The following TBC1D16 variants were observed in gnomAD, a reference collection of about 807,000 sequenced individuals.
TBC1D16 encodes CTD-2529O21.1.
In TBC1D16, 58 loss-of-function variants were observed where a neutral mutation model predicts 74.7. That is an observed-to-expected ratio of 0.78 (90% confidence interval 0.63 to 0.97). The LOEUF is 0.97. Ranked by LOEUF, TBC1D16 falls within the 50% of genes least tolerant of loss-of-function variation. The pLI, the probability that TBC1D16 is intolerant of heterozygous loss-of-function variation, is 0.00. For missense variants in TBC1D16, 1,014 were observed against 1,079.5 expected (o/e 0.94, Z 0.85); for synonymous variants, 493 against 474.7 (o/e 1.04, Z -0.50).
chr17:79,968,186 A>G (rs2033918257), intron 3 of TBC1D16, among the ~76,000 whole-genome samples: 1 of 152,092 alleles, frequency 6.6e-6, no homozygotes, highest in African/African-American at 2.4e-5. Context: ...TAGAGACAGG[A>G]TTTCACCATG....
chr17:80,014,357 A>G (rs2036014143), intron 1 of TBC1D16, among the ~76,000 whole-genome samples: 1 of 150,318 alleles, frequency 6.7e-6, no homozygotes. Context: ...ACTCTGTCTC[A>G]AAAAAAAAGA....
rs1043937542 is a variant in TBC1D16 at position 80,001,554 on chromosome 17, G to A, written c.779+8606C>T. On this transcript the variant is annotated intron_variant, in intron 3 of 11. Transcript: ENST00000310924. The surrounding 1 kb of genome is among the most constrained non-coding windows in gnomAD (Gnocchi z 5.8). Reference sequence around the variant, plus strand: ...CGGCGGGCGCTCTCGGGGTATCCCCGGGCGCCCTGGTTGGCCCACGACCGG... The same window carrying A: ...CGGCGGGCGCTCTCGGGGTATCCCCAGGCGCCCTGGTTGGCCCACGACCGG... Among the ~76,000 whole-genome samples, 16 of 151,380 alleles carry A rather than the reference G, an allele frequency of 1.1e-4. No homozygotes were observed. Among genetic ancestry groups the A allele is most frequent in the African/African-American group, 1.5e-4 (6 of 41,330 alleles).
In TBC1D16 at chr17:80,007,596, G is replaced by A. The variant is rs548739169; in HGVS notation, c.779+2564C>T. Among the ~76,000 whole-genome samples, 80 of 152,310 alleles carry A rather than the reference G, an allele frequency of 5.3e-4. No homozygotes were observed. Among genetic ancestry groups the A allele is most frequent in the African/African-American group, 1.8e-3 (73 of 41,582 alleles). On this transcript the variant is annotated intron_variant, in intron 3 of 11. Transcript: ENST00000310924. The surrounding 1 kb of genome is among the most constrained non-coding windows in gnomAD (Gnocchi z 4.5). ...GGGGCCATGGGGAGGGCCCTCCTCA[G>A]CCCAGGGTTCGGGGGAATAGAGAAG...
intron 3 of TBC1D16, among the ~76,000 whole-genome samples, chr17:79,963,349 C>CT (rs1391489463): frequency 6.6e-6 from 1 of 152,116 alleles, no homozygotes. Flanking sequence ...ACAGTATTGT[C>CT]TTTTTGTGAC....
Position 79,970,701 on chromosome 17 carries a change from C to T in TBC1D16, c.780-17883G>A, listed in dbSNP as rs565750828. On this transcript the variant is annotated intron_variant, in intron 3 of 11. Transcript: ENST00000310924. ...GGGTGGGAGGTGGAGGGGCTGGGCA[C>T]GGCCACTCTAGAGAGGTGGACCTGG... Among the ~76,000 whole-genome samples, 8 of 152,242 alleles carry T rather than the reference C, an allele frequency of 5.3e-5. No homozygotes were observed. The South Asian group carries it at 6.2e-4, about 12-fold the overall frequency.
At chr17:79,970,862 T>C (rs2034065028) in intron 3 of TBC1D16, among the ~76,000 whole-genome samples, 1 of 31,858 alleles carries the variant, frequency 3.1e-5, no homozygotes, top group Non-Finnish European at 5.9e-5. Context: ...AGCGCCACCC[T>C]GGAAACGGAG....
In TBC1D16 at chr17:79,994,984, T is replaced by C. The variant is rs2035213644; in HGVS notation, c.779+15176A>G. The stretch of plus-strand genomic sequence containing the variant: ...AATTTTCACCTTTTTGTTTGTTTTC[T>C]TTTTGTTTTTTGACTTGTAAAAATG... On this transcript the variant is annotated intron_variant, in intron 3 of 11. Transcript: ENST00000310924. This position sits in a 1 kb window ranked among gnomAD's most constrained non-coding sequence, Gnocchi z 4.6. Among the ~76,000 whole-genome samples, 1 of 152,244 alleles carries C rather than the reference T, an allele frequency of 6.6e-6. No homozygotes were observed. The highest frequency in any genetic ancestry group is 6.5e-5 in the Admixed American group (1 of 15,286).
At position 79,981,875 on chromosome 17, in the gene TBC1D16, C is replaced by G. The variant is rs1052769353; in HGVS notation, c.779+28285G>C. Among the ~76,000 whole-genome samples the G allele has an allele frequency of 6.6e-6, 1 of 152,264 alleles. No individual in the cohort carries two copies. The highest frequency in any genetic ancestry group is 2.4e-5 in the African/African-American group (1 of 41,480). On this transcript the variant is annotated intron_variant, in intron 3 of 11. Coordinates refer to ENST00000310924, the MANE Select transcript of TBC1D16 (RefSeq NM_019020.4). This position sits in a 1 kb window ranked among gnomAD's most constrained non-coding sequence, Gnocchi z 6.9. The stretch of plus-strand genomic sequence containing the variant: ...ACTCCTCCAAGGGCGCGCCAGGGAA[C>G]AGCAGGACGCGGCCCTCCGGGGCTT...
chr17:80,016,652 G>T (rs900919350), intron 1 of TBC1D16, among the ~76,000 whole-genome samples: 1 of 152,108 alleles, frequency 6.6e-6, no homozygotes, highest in Non-Finnish European at 1.5e-5. Context: ...AGCAGAACTG[G>T]CTCCCAGCCT....
chr17:80,013,829 G>A (rs2035993503), intron 1 of TBC1D16, among the ~76,000 whole-genome samples: 1 of 152,120 alleles, frequency 6.6e-6, no homozygotes, highest in South Asian at 2.1e-4. Flanking sequence ...ACCTGTGGAT[G>A]CCACCAGCAC....
Position 80,007,160 on chromosome 17 carries a change from T to G in TBC1D16, c.779+3000A>C, listed in dbSNP as rs1456773697. 6.6e-6 allele frequency among the ~76,000 whole-genome samples: 1 copy of G among 152,076 alleles called. No individual in the cohort carries two copies. The highest frequency in any genetic ancestry group is 1.9e-4 in the East Asian group (1 of 5,170). The stretch of plus-strand genomic sequence containing the variant: ...CCCCTGGACCGGGCTGACACAGGCC[T>G]GAGGTGCGAGCCACACCGAGCCCGC... On this transcript the variant is annotated intron_variant, in intron 3 of 11. Coordinates refer to ENST00000310924, the MANE Select transcript of TBC1D16 (RefSeq NM_019020.4). This position sits in a 1 kb window ranked among gnomAD's most constrained non-coding sequence, Gnocchi z 4.5.
Position 79,941,967 on chromosome 17 carries a change from C to T in TBC1D16, c.2055+93G>A. On this transcript the variant is annotated intron_variant, in intron 11 of 11. Coordinates refer to ENST00000310924, the MANE Select transcript of TBC1D16 (RefSeq NM_019020.4). The surrounding 1 kb of genome is among the most constrained non-coding windows in gnomAD (Gnocchi z 4.3). ...GATGGGGCTCTGGGGGCGGGGCCCA[C>T]ATCTGGGGCAGCCTCACCTTTCTGA... is the stretch of plus-strand genomic sequence containing the variant. The T allele has an allele frequency of 7.9e-7, 1 of 1,263,602 alleles. No individual in the cohort carries two copies. Among genetic ancestry groups the T allele is most frequent in the Non-Finnish European group, 1.1e-6 (1 of 927,248 alleles). The allele number at this position is 1,263,602 out of a possible 1,614,324, so 78.3% of individuals were successfully genotyped here.
In TBC1D16 at chr17:80,010,434, C is replaced by G. The variant is rs1242827208; in HGVS notation, c.505G>C (p.Gly169Arg). 2 of 1,609,564 alleles carry G rather than the reference C, an allele frequency of 1.2e-6. No homozygotes were observed. The highest frequency in any genetic ancestry group is 2.2e-5 in the South Asian group (2 of 90,550). The change falls in exon 3 of 12, where the codon GGG becomes CGG. Residue 169 changes from glycine (G) to arginine (R), a missense_variant. Physicochemically the swap from Gly to Arg is moderately radical, Grantham distance 125. Coordinates refer to ENST00000310924, the MANE Select transcript of TBC1D16 (RefSeq NM_019020.4). The surrounding 1 kb of genome is among the most constrained non-coding windows in gnomAD (Gnocchi z 8.8). ...EDEEKLAQGL[G>R]VDGAQPASQP... ...GAGGCTGGCTGGGCACCATCCACCC[C>G]CAAGCCCTGCGCCAGCTTCTCCTCA...
chr17:79,958,313 G>A (rs549284199), intron 3 of TBC1D16, among the ~76,000 whole-genome samples: 9 of 150,050 alleles, frequency 6.0e-5, no homozygotes, highest in South Asian at 2.1e-4. Context: ...TCCACCTCCC[G>A]GGTTCAAGCG....
intron 1 of TBC1D16, among the ~76,000 whole-genome samples, chr17:80,019,476 T>G (rs76290800): frequency 0.21 from 28,033 of 134,540 alleles, 3,791 homozygotes; most frequent in East Asian, 0.43. Flanking sequence ...CTGGAGAGAC[T>G]GGGCTCTTTT....
In TBC1D16 at chr17:79,942,075, C is replaced by A. The variant is rs138920361; in HGVS notation, c.2040G>T (p.Glu680Asp). 28 of 1,611,858 alleles carry A rather than the reference C, an allele frequency of 1.7e-5. No individual in the cohort carries two copies. Among genetic ancestry groups the A allele is most frequent in the Non-Finnish European group, 2.4e-5 (28 of 1,179,688 alleles). ...FGNLAMHMNG[E>D]LVLRKARSLL... is the part of the protein sequence containing the mutation. ...GCAGCCTCACCTTCCGGAGAACGAG[C>A]TCCCCGTTCATGTGCATGGCCAGGT... The change falls in exon 11 of 12, where the codon GAG becomes GAT. Residue 680 changes from glutamate (E) to aspartate (D), a missense_variant. Coordinates refer to ENST00000310924, the MANE Select transcript of TBC1D16 (RefSeq NM_019020.4).
intron 3 of TBC1D16, among the ~76,000 whole-genome samples, chr17:79,995,511 C>T (rs559649311): frequency 7.3e-5 from 11 of 151,432 alleles, no homozygotes; most frequent in Admixed American, 6.6e-4. Context: ...ATCGGCCGGG[C>T]GCGGTGGCTC....
rs773987356 is a variant in TBC1D16 at position 79,944,172 on chromosome 17, C to T, written c.1908+736G>A. Reference sequence around the variant, plus strand: ...TCTTCCAGCAGATGGGTGTTTGCCTCCATCTTCAGGGTTCTCTGACGGAGG... The same window carrying T: ...TCTTCCAGCAGATGGGTGTTTGCCTTCATCTTCAGGGTTCTCTGACGGAGG... On this transcript the variant is annotated intron_variant, in intron 10 of 11. Transcript: ENST00000310924. This position sits in a 1 kb window ranked among gnomAD's most constrained non-coding sequence, Gnocchi z 7.7. 14 of 1,533,170 alleles carry T rather than the reference C, an allele frequency of 9.1e-6. No homozygotes were observed. The highest frequency in any genetic ancestry group is 1.2e-5 in the Non-Finnish European group (14 of 1,144,526). The allele number at this position is 1,533,170 out of a possible 1,614,324, so 95.0% of individuals were successfully genotyped here.
chr17:79,960,808 A>AAAAAAAAAAC (rs2033575314), intron 3 of TBC1D16, among the ~76,000 whole-genome samples: 2 of 139,628 alleles, frequency 1.4e-5, no homozygotes, highest in African/African-American at 2.7e-5. Flanking sequence ...AAAAAAAAAA[A>AAAAAAAAAAC]ACGAAGGAAT....
Sources: gnomAD v4.1 joint callset for allele counts (sites outside exome capture counted in the v4.1 genomes callset) on GRCh38, gnomAD v4.1.1 for gene constraint, Gnocchi (gnomAD v3.1) non-coding constraint, MANE v1.5 for transcripts, NCBI Gene and HGNC (gene_info 2026-07-23, HGNC 2026-07-21) for gene names.